FRA10AC1: variants seen among roughly 807,000 people sequenced by gnomAD.
FRA10AC1 encodes protein FRA10AC1.
In FRA10AC1, 43 loss-of-function variants were observed where a neutral mutation model predicts 56.5. That is an observed-to-expected ratio of 0.76 (90% CI 0.60 to 0.98). The LOEUF is 0.98. Among genes scored for constraint, FRA10AC1 ranks in the 50% least tolerant of loss-of-function variants. The pLI is 0.00. For missense variants in FRA10AC1, 346 were observed against 351.8 expected, an observed-to-expected ratio of 0.98 and a Z score of 0.13; for synonymous variants, 112 against 110.5, an observed-to-expected ratio of 1.01 and a Z score of -0.09.
At chr10:93,686,921 T>C (rs983934960) in intron 8 of FRA10AC1, among the ~76,000 whole-genome samples, 15 of 151,888 alleles carry the variant, frequency 9.9e-5, no homozygotes, top group African/African-American at 3.6e-4. Context: ...GGTCTTTTGC[T>C]ATTAGACTAA....
rs572241040 is a variant in FRA10AC1, at chr10:93,683,993, T to G, written c.668+63A>C. 7.5e-6 allele frequency: 8 copies of G among 1,061,152 alleles called. No individual in the cohort carries two copies. In the East Asian group the frequency reaches 1.9e-4, roughly 25 times the overall value. The allele number at this position is 1,061,152 out of a possible 1,614,324, so 65.7% of individuals were successfully genotyped here. On this transcript the variant is annotated intron_variant, in intron 10 of 13. Transcript: ENST00000359204. ...CCTAAGTCTACATTTAGATACTTAG[T>G]GCAGGTAAATGACTATATCCTGGAT...
At chr10:93,685,091 C>T (rs1041462280) in intron 9 of FRA10AC1, among the ~76,000 whole-genome samples, 155 bp downstream of exon 9, 1 of 152,010 alleles carries the variant, frequency 6.6e-6, no homozygotes, top group Non-Finnish European at 1.5e-5. Context: ...AAAACTGAGG[C>T]TGAAAAGTTC....
intron 10 of FRA10AC1, among the ~76,000 whole-genome samples, 153 bp downstream of exon 10, chr10:93,683,903 T>G (rs556089549): frequency 6.6e-6 from 1 of 152,130 alleles, no homozygotes; most frequent in South Asian, 2.1e-4. Context: ...TCTAAACCCC[T>G]CGTTTATGTA....
chr10:93,669,154 A>T lies in FRA10AC1; in HGVS notation c.*672T>A, dbSNP rs1181351348. ...GAAGCAAGAGACAGGCAAGCAAAAA[A>T]CCTCAAAAAGCAGCTGGAAATAGGT... is the stretch of plus-strand genomic sequence containing the variant. On this transcript the variant is annotated 3_prime_UTR_variant, in exon 14 of 14. Transcript: ENST00000359204. The T allele has an allele frequency of 1.3e-5, 2 of 152,196 alleles. No homozygotes were observed. The highest frequency in any genetic ancestry group is 6.5e-5 in the Admixed American group (1 of 15,270). 9.4% of individuals were successfully genotyped at this position (152,196 alleles called of 1,614,324 possible). A position where few individuals can be genotyped will look rare whatever the true frequency, so the allele number is the denominator to read the frequency against.
chr10:93,694,713 T>TAAAA lies in FRA10AC1; in HGVS notation c.296+144_296+147dup, dbSNP rs10554752. ...TGGGCGACAGAGTGAGACTCCATCT[T>TAAAA]AAAAAAAAAAAAAAAAAAAAAAAAA... On this transcript the variant is annotated intron_variant, in intron 5 of 13. Transcript: ENST00000359204. 3.7e-4 allele frequency: 90 copies of TAAAA among 240,582 alleles called. 1 individual carries two copies. The highest frequency in any genetic ancestry group is 1.4e-3 in the East Asian group (8 of 5,902). The allele number at this position is 240,582 out of a possible 1,614,324, so 14.9% of individuals were successfully genotyped here.
At chr10:93,701,890 T>C (rs574350850) in intron 1 of FRA10AC1, among the ~76,000 whole-genome samples, 92 of 152,160 alleles carry the variant, frequency 6.0e-4, no homozygotes, top group Non-Finnish European at 9.4e-4. Context: ...GGCCTGTTCC[T>C]TAACCTCTCC....
At chr10:93,682,988 T>C (rs568368080) in intron 10 of FRA10AC1, among the ~76,000 whole-genome samples, 1 of 152,350 alleles carries the variant, frequency 6.6e-6, no homozygotes, top group African/African-American at 2.4e-5. Flanking sequence ...AATATGCTTA[T>C]GTATACATTT....
intron 7 of FRA10AC1, 177 bp downstream of exon 7, chr10:93,691,832 C>T (rs1193207274): frequency 5.3e-6 from 3 of 561,688 alleles, no homozygotes; most frequent in Non-Finnish European, 8.4e-6. Flanking sequence ...TTCCATAGGC[C>T]TTTTGTAAAC....
At chr10:93,700,801 C>G (rs966900919) in intron 1 of FRA10AC1, among the ~76,000 whole-genome samples, 2 of 152,002 alleles carry the variant, frequency 1.3e-5, no homozygotes, top group Admixed American at 1.3e-4. Context: ...CCACCTTGCC[C>G]TTTGGATTAG....
intron 11 of FRA10AC1, among the ~76,000 whole-genome samples, chr10:93,677,347 T>A (rs1177244130): frequency 6.6e-6 from 1 of 152,138 alleles, no homozygotes; most frequent in East Asian, 1.9e-4. Flanking sequence ...CAGTAACAAT[T>A]CCTCCAATGT....
At chr10:93,694,102 AAAAAC>A (rs887334468) in intron 5 of FRA10AC1, among the ~76,000 whole-genome samples, 8 of 151,966 alleles carry the variant, frequency 5.3e-5, no homozygotes, top group Non-Finnish European at 1.2e-4. Context: ...TTAAAAAAAC[AAAAAC>A]AAAACAAAAC....
At chr10:93,684,545 T>C (rs917662411) in intron 9 of FRA10AC1, among the ~76,000 whole-genome samples, 1 of 151,776 alleles carries the variant, frequency 6.6e-6, no homozygotes, top group Non-Finnish European at 1.5e-5. Flanking sequence ...TGGCTGACTT[T>C]TCCTCTTGAG....
At chr10:93,691,544 C>A (rs992251167) in intron 7 of FRA10AC1, among the ~76,000 whole-genome samples, 1 of 152,168 alleles carries the variant, frequency 6.6e-6, no homozygotes, top group African/African-American at 2.4e-5. Context: ...CTAATTAGCA[C>A]TGATTGAAAT....
intron 4 of FRA10AC1, among the ~76,000 whole-genome samples, chr10:93,697,046 G>A (rs749127241): frequency 2.6e-5 from 4 of 152,020 alleles, no homozygotes; most frequent in Admixed American, 6.5e-5. Context: ...TTCTGCACAT[G>A]TATCCCAGAA....
intron 12 of FRA10AC1, chr10:93,675,664 C>A: frequency 2.7e-6 from 1 of 374,104 alleles, no homozygotes. Flanking sequence ...GAGATCGCGC[C>A]ACTGCACTCC....
chr10:93,683,350 T>C (rs1564815655), intron 10 of FRA10AC1, among the ~76,000 whole-genome samples: 1 of 126,158 alleles, frequency 7.9e-6, no homozygotes, highest in Non-Finnish European at 1.9e-5. Flanking sequence ...AAAAGCCTGA[T>C]TTTAACTTTT....
chr10:93,692,241 A>T, intron 6 of FRA10AC1, 148 bp from the exon 7 acceptor site: 1 of 593,682 alleles, frequency 1.7e-6, no homozygotes, highest in Admixed American at 4.3e-5. Flanking sequence ...CTGGATATTA[A>T]CTATTAAAAG....
chr10:93,670,202 T>G (rs970617426), intron 13 of FRA10AC1, among the ~76,000 whole-genome samples: 1 of 152,132 alleles, frequency 6.6e-6, no homozygotes, highest in Non-Finnish European at 1.5e-5. Flanking sequence ...CATTCTCATT[T>G]TAAATTATAG....
In FRA10AC1 at chr10:93,667,913, G is replaced by A. The variant is rs539224353; in HGVS notation, c.*1913C>T. On this transcript the variant is annotated 3_prime_UTR_variant, in exon 14 of 14. Transcript: ENST00000359204. ...TGAAAAAAAACAATTTATTCAAGAAGTGAGGGGACTATCAAACAATGTTAA... is the reference window on the plus strand; with the variant it reads ...TGAAAAAAAACAATTTATTCAAGAAATGAGGGGACTATCAAACAATGTTAA... The A allele has an allele frequency of 2.0e-5, 3 of 152,258 alleles. No individual in the cohort carries two copies. The highest frequency in any genetic ancestry group is 6.5e-5 in the Admixed American group (1 of 15,280). The allele number at this position is 152,258 out of a possible 1,614,324, so 9.4% of individuals were successfully genotyped here.
Sources: allele counts gnomAD v4.1 joint callset (sites outside exome capture counted in the v4.1 genomes callset), GRCh38; gene constraint gnomAD v4.1.1; transcripts MANE v1.5; gene names NCBI Gene and HGNC (gene_info 2026-07-23, HGNC 2026-07-21).